Variants in SCN9A observed in about 807,000 individuals in gnomAD.
The protein encoded by SCN9A is sodium channel protein type 9 subunit alpha.
In SCN9A, 131 loss-of-function variants were observed where a neutral mutation model predicts 187.0. That is an observed-to-expected ratio of 0.70 (90% CI 0.61 to 0.81). SCN9A has a LOEUF of 0.81. Ranked by LOEUF, SCN9A falls within the 30% of genes least tolerant of loss-of-function variation. The probability of loss-of-function intolerance (pLI) is 0.00; values close to 1 mark genes in which losing one functional copy is unlikely to be tolerated. For synonymous variants in SCN9A, 809 were observed against 808.6 expected, an observed-to-expected ratio of 1.00 and a Z score of -0.01; for missense variants, 2,252 against 2,396.6, an observed-to-expected ratio of 0.94 and a Z score of 1.26.
Position 166,228,713 on chromosome 2 carries a change from C to A in SCN9A, c.4184G>T (p.Gly1395Val), listed in dbSNP as rs764682998. The change falls in exon 22 of 27, where the codon GGT (glycine) becomes GTT (valine). Residue 1395 changes from glycine to valine, a missense_variant. Gly to Val is a moderately radical substitution (Grantham distance 109). This residue lies in a region of SCN9A where 368 missense variants were observed against 408.6 expected (regional missense o/e 0.90). Coordinates refer to ENST00000642356, the MANE Select transcript of SCN9A (RefSeq NM_001365536.1). ...LKVNFDNVGLGYLSLLQVATF... is the reference protein window; with the variant it reads ...LKVNFDNVGLVYLSLLQVATF... ...TACAACTTGAAGCAGAGATAGGTAA[C>A]CAAGTCCGACATTATCAAAGTTCAC... 1 of 1,612,484 alleles carries A rather than the reference C, an allele frequency of 6.2e-7. No homozygotes were observed.
In SCN9A at chr2:166,271,074, A is replaced by G. The variant is rs531373284; in HGVS notation, c.3351+1325T>C. 6.6e-5 allele frequency among the ~76,000 whole-genome samples: 10 copies of G among 152,164 alleles called. No individual in the cohort carries two copies. In the East Asian group the frequency reaches 1.5e-3, roughly 24 times the overall value. On this transcript the variant is annotated intron_variant, in intron 17 of 26. Coordinates refer to ENST00000642356, the MANE Select transcript of SCN9A (RefSeq NM_001365536.1). ...GGTAAGGGTGGGAGAGGAGGGCACA[A>G]AAAAAGGTTTTAAAGAGTTCCTGTT...
chr2:166,254,970 T>G (rs1696203061), intron 17 of SCN9A, among the ~76,000 whole-genome samples: 1 of 151,488 alleles, frequency 6.6e-6, no homozygotes, highest in African/African-American at 2.4e-5. Context: ...CTGTGCCTTC[T>G]AAAAGTGTTT....
At chr2:166,279,701 T>C (rs1697391987) in intron 14 of SCN9A, among the ~76,000 whole-genome samples, 1 of 152,168 alleles carries the variant, frequency 6.6e-6, no homozygotes, top group Non-Finnish European at 1.5e-5. Flanking sequence ...TTGATGATGA[T>C]GATAGCTTTA....
chr2:166,211,320 A>T (rs2106359280), intron 24 of SCN9A, among the ~76,000 whole-genome samples: 1 of 152,286 alleles, frequency 6.6e-6, no homozygotes, highest in African/African-American at 2.4e-5. Flanking sequence ...TTAAGGAAGG[A>T]TAAAAACTTT....
At chr2:166,304,190 T>C (rs200258203) in intron 6 of SCN9A, 48 bp downstream of exon 6, 1 of 1,607,706 alleles carries the variant, frequency 6.2e-7, no homozygotes, top group Non-Finnish European at 8.5e-7. Flanking sequence ...AACTCCCAAA[T>C]AGTTGGAGTT....
At chr2:166,294,440 AT>A in intron 8 of SCN9A, 158 bp downstream of exon 8, 1 of 532,462 alleles carries the variant, frequency 1.9e-6, no homozygotes, top group Non-Finnish European at 3.3e-6. Context: ...AACTGTGAAC[AT>A]TTTAAAGACT....
At chr2:166,224,230 G>A (rs1222037543) in intron 24 of SCN9A, among the ~76,000 whole-genome samples, 2 of 152,090 alleles carry the variant, frequency 1.3e-5, no homozygotes, top group African/African-American at 4.8e-5. Context: ...TATATTACAT[G>A]TATGTATATA....
intron 26 of SCN9A, among the ~76,000 whole-genome samples, chr2:166,203,732 A>AACAG (rs1410501187): frequency 1.3e-5 from 2 of 151,902 alleles, no homozygotes; most frequent in Non-Finnish European, 3.0e-5. Flanking sequence ...ATTTCCTTCT[A>AACAG]ATAGATAGAA....
At chr2:166,209,312 C>CAGTT (rs1450319269) in intron 24 of SCN9A, among the ~76,000 whole-genome samples, 1 of 152,098 alleles carries the variant, frequency 6.6e-6, no homozygotes, top group Non-Finnish European at 1.5e-5. Context: ...AAGAAATCCG[C>CAGTT]AGTTACTGAC....
At chr2:166,316,109 TA>T (rs1671789927) in intron 1 of SCN9A, among the ~76,000 whole-genome samples, 1 of 151,928 alleles carries the variant, frequency 6.6e-6, no homozygotes, top group Admixed American at 6.6e-5. Context: ...ATCCACAAAA[TA>T]AAAAAAGTAC....
intron 17 of SCN9A, among the ~76,000 whole-genome samples, chr2:166,268,044 A>C (rs1026877999): frequency 6.6e-6 from 1 of 152,030 alleles, no homozygotes; most frequent in Non-Finnish European, 1.5e-5. Context: ...TTTTAAATTC[A>C]ATCTGTAACC....
chr2:166,318,169 ATGT>A (rs1699153450), intron 1 of SCN9A, among the ~76,000 whole-genome samples: 2 of 152,162 alleles, frequency 1.3e-5, no homozygotes, highest in South Asian at 4.1e-4. Flanking sequence ...TAGGGTATCC[ATGT>A]CCATTTTAGC....
At chr2:166,339,446 G>A (rs1004845528) in intron 1 of SCN9A, among the ~76,000 whole-genome samples, 34 of 152,124 alleles carry the variant, frequency 2.2e-4, no homozygotes, top group Non-Finnish European at 4.1e-4. Flanking sequence ...AAAATAGGAG[G>A]AGGGAGGGGA....
chr2:166,305,983 T>C, intron 4 of SCN9A, 63 bp from the exon 5 acceptor site: 2 of 1,586,806 alleles, frequency 1.3e-6, no homozygotes, highest in South Asian at 1.1e-5. Flanking sequence ...TGTAAATCTT[T>C]ATAACTTATT....
chr2:166,230,534 G>C (rs1695037725), intron 21 of SCN9A, among the ~76,000 whole-genome samples: 1 of 152,038 alleles, frequency 6.6e-6, no homozygotes, highest in Non-Finnish European at 1.5e-5. Context: ...AATCTATTCT[G>C]TGCCTCCCTA....
chr2:166,370,166 A>T (rs1004779377), intron 1 of SCN9A, among the ~76,000 whole-genome samples: 4 of 150,268 alleles, frequency 2.7e-5, no homozygotes, highest in African/African-American at 9.7e-5. Flanking sequence ...GACAGATACC[A>T]CATCCAGTGA....
At chr2:166,244,789 A>G (rs566754088) in intron 18 of SCN9A, among the ~76,000 whole-genome samples, 2 of 152,186 alleles carry the variant, frequency 1.3e-5, no homozygotes, top group South Asian at 4.1e-4. Context: ...CTCTGCATTT[A>G]GCAATTTCAC....
intron 7 of SCN9A, among the ~76,000 whole-genome samples, chr2:166,298,357 A>G (rs934324243): frequency 6.6e-6 from 1 of 152,216 alleles, no homozygotes; most frequent in African/African-American, 2.4e-5. Flanking sequence ...TTAGCTACAC[A>G]CTGTGCACAT....
intron 24 of SCN9A, among the ~76,000 whole-genome samples, chr2:166,208,954 G>C (rs1427295239): frequency 1.3e-5 from 2 of 152,162 alleles, no homozygotes; most frequent in Non-Finnish European, 2.9e-5. Flanking sequence ...GAGAGGAGTG[G>C]AGCACATCAA....
Sources: allele counts gnomAD v4.1 joint callset (sites outside exome capture counted in the v4.1 genomes callset), GRCh38; gene constraint gnomAD v4.1.1; regional missense constraint gnomAD v4.1.1; transcripts MANE v1.5; gene names NCBI Gene and HGNC (gene_info 2026-07-23, HGNC 2026-07-21).